NME7: variants seen among roughly 807,000 people sequenced by gnomAD.
The protein encoded by NME7 is NME/NM23 family member 7.
In NME7, 41 loss-of-function variants were observed where a neutral mutation model predicts 49.1. The observed-to-expected ratio is 0.83, with a 90% CI of 0.65 to 1.08. The LOEUF (loss-of-function observed/expected upper bound fraction) is 1.08, where lower values mean the gene tolerates loss of function less well. Ranked by LOEUF, NME7 falls within the 50% of genes least tolerant of loss-of-function variation. NME7 has a pLI of 0.00. For missense variants in NME7, 423 were observed against 463.4 expected, an observed-to-expected ratio of 0.91 and a Z score of 0.80; for synonymous variants, 139 against 150.6, an observed-to-expected ratio of 0.92 and a Z score of 0.56.
At chr1:169,308,342 C>T (rs1448629926) in intron 4 of NME7, among the ~76,000 whole-genome samples, 1 of 152,070 alleles carries the variant, frequency 6.6e-6, no homozygotes, top group Non-Finnish European at 1.5e-5. Flanking sequence ...ATGCAACTGA[C>T]CCATGGAATA....
intron 7 of NME7, among the ~76,000 whole-genome samples, chr1:169,242,064 C>T (rs982982639): frequency 1.3e-5 from 2 of 151,938 alleles, no homozygotes; most frequent in Admixed American, 6.6e-5. Context: ...TCTGGGATTA[C>T]AGGCACATAC....
At chr1:169,253,770 A>G (rs1266919795) in intron 7 of NME7, among the ~76,000 whole-genome samples, 82 of 151,956 alleles carry the variant, frequency 5.4e-4, no homozygotes, top group African/African-American at 1.7e-3. Flanking sequence ...TTTTTAGCAT[A>G]AAGGGTTGTT....
At chr1:169,240,623 T>C (rs1648049411) in intron 7 of NME7, among the ~76,000 whole-genome samples, 1 of 152,046 alleles carries the variant, frequency 6.6e-6, no homozygotes, top group Admixed American at 6.6e-5. Flanking sequence ...GAAACTATGA[T>C]ATGACTCAGA....
At chr1:169,249,864 G>C (rs1258271661) in intron 7 of NME7, among the ~76,000 whole-genome samples, 2 of 152,012 alleles carry the variant, frequency 1.3e-5, no homozygotes. Context: ...TTGATGTGCT[G>C]CTTGAATTAG....
At chr1:169,256,471 C>T (rs1571332435) in intron 7 of NME7, among the ~76,000 whole-genome samples, 3 of 133,134 alleles carry the variant, frequency 2.3e-5, no homozygotes, top group African/African-American at 5.1e-5. Context: ...TCTTCTAAAT[C>T]TTTTTCAAAG....
chr1:169,241,942 A>T (rs1217011631), intron 7 of NME7, among the ~76,000 whole-genome samples: 1 of 151,786 alleles, frequency 6.6e-6, no homozygotes, highest in Non-Finnish European at 1.5e-5. Flanking sequence ...TTTTTAAAAA[A>T]TTTTAAAACA....
chr1:169,212,953 T>C (rs753893829), intron 10 of NME7, among the ~76,000 whole-genome samples: 1 of 152,140 alleles, frequency 6.6e-6, no homozygotes, highest in Non-Finnish European at 1.5e-5. Context: ...TGCAGTGTAC[T>C]TGGTGTTACA....
intron 4 of NME7, among the ~76,000 whole-genome samples, chr1:169,307,928 G>T (rs1651238170): frequency 6.6e-6 from 1 of 151,428 alleles, no homozygotes; most frequent in East Asian, 2.0e-4. Flanking sequence ...GCCAAGGCAG[G>T]AGAATTGCTT....
chr1:169,352,937 T>C (rs74489319), intron 1 of NME7, among the ~76,000 whole-genome samples: 2,216 of 152,158 alleles, frequency 0.015, 59 homozygotes, highest in African/African-American at 0.05. Context: ...TCCATGTTTA[T>C]GGAAAGAATC....
intron 11 of NME7, among the ~76,000 whole-genome samples, chr1:169,133,315 A>C (rs1285941580): frequency 6.6e-6 from 1 of 152,238 alleles, no homozygotes; most frequent in Non-Finnish European, 1.5e-5. Context: ...AACATGGGAA[A>C]TGCCCACACT....
At chr1:169,281,246 G>T (rs1418861986) in intron 7 of NME7, among the ~76,000 whole-genome samples, 5 of 151,990 alleles carry the variant, frequency 3.3e-5, no homozygotes, top group African/African-American at 9.7e-5. Flanking sequence ...TGCACAATTT[G>T]GCTCTCTGTC....
intron 11 of NME7, among the ~76,000 whole-genome samples, chr1:169,138,628 G>A (rs1383632225): frequency 1.3e-5 from 2 of 151,930 alleles, no homozygotes; most frequent in Non-Finnish European, 2.9e-5. Context: ...CTGAGGTGAG[G>A]GGATCACTTG....
intron 7 of NME7, among the ~76,000 whole-genome samples, chr1:169,257,885 T>G (rs895564380): frequency 7.5e-6 from 1 of 133,716 alleles, no homozygotes; most frequent in African/African-American, 2.5e-5. Context: ...GCTTAAAAGG[T>G]TTCTGCTGAG....
In NME7 at chr1:169,275,436, G is replaced by A. The variant is rs1488770382; in HGVS notation, c.754+11867C>T. On this transcript the variant is annotated intron_variant, in intron 7 of 11. Transcript: ENST00000367811. ...GGAGCTTGCAGTGAGTCGAGATCGC[G>A]CCACTGCACTCCAGCCTGGGCGACA... Among the ~76,000 whole-genome samples, 8 of 103,350 alleles carry A rather than the reference G, an allele frequency of 7.7e-5. No homozygotes were observed. The East Asian group carries it at 1.5e-3, about 20-fold the overall frequency. The allele number at this position is 103,350 out of a possible 152,430, so 67.8% of individuals were successfully genotyped here.
At chr1:169,283,925 T>C (rs980824861) in intron 7 of NME7, 11 of 152,158 alleles carry the variant, frequency 7.2e-5, no homozygotes, top group African/African-American at 2.7e-4. Context: ...ATTATGTGTC[T>C]TGGGGTTGCT....
chr1:169,317,058 C>A (rs1651657749), intron 3 of NME7, among the ~76,000 whole-genome samples: 3 of 151,590 alleles, frequency 2.0e-5, no homozygotes, highest in African/African-American at 7.3e-5. Flanking sequence ...ACAATAATCA[C>A]AGCATATTTC....
chr1:169,253,577 G>T (rs138437561), intron 7 of NME7, among the ~76,000 whole-genome samples: 58 of 152,046 alleles, frequency 3.8e-4, no homozygotes, highest in African/African-American at 1.1e-3. Flanking sequence ...CTAATTGCCC[G>T]GGCCAGAATT....
chr1:169,273,291 T>C (rs1368025848), intron 7 of NME7, among the ~76,000 whole-genome samples: 7 of 130,074 alleles, frequency 5.4e-5, no homozygotes, highest in Admixed American at 5.3e-4. Flanking sequence ...CTCAGACTTA[T>C]GAGTGAGAAC....
chr1:169,250,905 T>C (rs772771593), intron 7 of NME7, among the ~76,000 whole-genome samples: 13 of 152,078 alleles, frequency 8.5e-5, no homozygotes, highest in Non-Finnish European at 1.6e-4. Context: ...TATGGTCTAT[T>C]GTGGAGAATG....
Sources: gnomAD v4.1 joint callset for allele counts (sites outside exome capture counted in the v4.1 genomes callset) on GRCh38, gnomAD v4.1.1 for gene constraint, MANE v1.5 for transcripts, NCBI Gene and HGNC (gene_info 2026-07-23, HGNC 2026-07-21) for gene names.